BBS9: variants seen among roughly 807,000 people sequenced by gnomAD.
BBS9 encodes the protein protein PTHB1.
A neutral mutation model predicts 117.7 loss-of-function variants in BBS9; 89 were observed. That is an observed-to-expected ratio of 0.76 (90% CI 0.64 to 0.90). The LOEUF (loss-of-function observed/expected upper bound fraction) is 0.90, where lower values mean the gene tolerates loss of function less well. Among genes scored for constraint, BBS9 ranks in the 40% least tolerant of loss-of-function variants. BBS9 has a pLI of 0.00. For missense variants in BBS9, 982 were observed against 1,042.2 expected, an observed-to-expected ratio of 0.94 and a Z score of 0.80; for synonymous variants, 379 against 370.9, an observed-to-expected ratio of 1.02 and a Z score of -0.25.
At chr7:33,334,392 A>AAC in intron 9 of BBS9, among the ~76,000 whole-genome samples, 1 of 152,142 alleles carries the variant, frequency 6.6e-6, no homozygotes, top group Non-Finnish European at 1.5e-5. Context: ...TTCTCTGAGA[A>AAC]GCCCCCCCCA....
At chr7:33,625,874 A>G (rs949486022) in intron 21 of BBS9, among the ~76,000 whole-genome samples, 1 of 152,248 alleles carries the variant, frequency 6.6e-6, no homozygotes, top group Non-Finnish European at 1.5e-5. Context: ...TTAAGCTCTC[A>G]TAACATTTCT....
intron 17 of BBS9, among the ~76,000 whole-genome samples, chr7:33,372,916 G>A (rs12670765): frequency 6.6e-6 from 1 of 151,984 alleles, no homozygotes; most frequent in East Asian, 1.9e-4. Flanking sequence ...ATCATTTCTT[G>A]TAAGTTATCC....
intron 5 of BBS9, among the ~76,000 whole-genome samples, chr7:33,245,418 T>C (rs1375012401): frequency 6.6e-6 from 1 of 152,160 alleles, no homozygotes; most frequent in Admixed American, 6.5e-5. Flanking sequence ...CCAAGATGGA[T>C]ACTAAACTCT....
At chr7:33,239,916 G>A (rs1346063472) in intron 5 of BBS9, among the ~76,000 whole-genome samples, 1 of 152,054 alleles carries the variant, frequency 6.6e-6, no homozygotes, top group African/African-American at 2.4e-5. Context: ...GGCTGAGGTA[G>A]GAGGATCCCA....
chr7:33,293,412 T>G (rs982513825), intron 9 of BBS9, among the ~76,000 whole-genome samples: 1 of 151,940 alleles, frequency 6.6e-6, no homozygotes, highest in African/African-American at 2.4e-5. Context: ...TCTGTAATTG[T>G]TATATGAGAG....
intron 21 of BBS9, among the ~76,000 whole-genome samples, chr7:33,613,822 A>G (rs1208544717): frequency 6.6e-6 from 1 of 152,058 alleles, no homozygotes; most frequent in Non-Finnish European, 1.5e-5. Context: ...GGGGTTCATT[A>G]TATTACAGAG....
Position 33,344,651 on chromosome 7 carries a change from T to G in BBS9, c.1329+17T>G, listed in dbSNP as rs746246792. The stretch of plus-strand genomic sequence containing the variant: ...ACGGTGAAGGTATTGTACCAGATTT[T>G]AGACTGTAATGTGCAAACAATATGA... On this transcript the variant is annotated intron_variant, in intron 12 of 22. Transcript: ENST00000242067. 3.1e-6 allele frequency: 5 copies of G among 1,610,856 alleles called. No homozygotes were observed. The highest frequency in any genetic ancestry group is 4.2e-6 in the Non-Finnish European group (5 of 1,177,030).
At chr7:33,269,217 T>A (rs1279700157) in intron 7 of BBS9, among the ~76,000 whole-genome samples, 3 of 152,224 alleles carry the variant, frequency 2.0e-5, no homozygotes, top group African/African-American at 7.2e-5. Context: ...TGGCCAAAAA[T>A]TCATCTTGTC....
chr7:33,322,028 T>A (rs568629652), intron 9 of BBS9, among the ~76,000 whole-genome samples: 12 of 152,254 alleles, frequency 7.9e-5, no homozygotes, highest in African/African-American at 2.9e-4. Flanking sequence ...TCACAATGAT[T>A]GATTTGCATA....
intron 16 of BBS9, among the ~76,000 whole-genome samples, chr7:33,361,105 G>T (rs903853356): frequency 1.3e-5 from 2 of 152,030 alleles, no homozygotes; most frequent in African/African-American, 4.8e-5. Flanking sequence ...GGAAATTTCT[G>T]CTTAGGTTTC....
intron 19 of BBS9, among the ~76,000 whole-genome samples, chr7:33,424,586 G>C (rs1476116804): frequency 6.6e-6 from 1 of 152,082 alleles, no homozygotes; most frequent in Non-Finnish European, 1.5e-5. Flanking sequence ...TTTTAAAAAA[G>C]TTCCTGTTAC....
At chr7:33,273,491 T>C (rs1418272283) in intron 8 of BBS9, among the ~76,000 whole-genome samples, 1 of 152,138 alleles carries the variant, frequency 6.6e-6, no homozygotes, top group Non-Finnish European at 1.5e-5. Flanking sequence ...TCAGACTCTT[T>C]TATAAGCACA....
At chr7:33,414,756 G>A (rs2128833401) in intron 19 of BBS9, among the ~76,000 whole-genome samples, 1 of 152,252 alleles carries the variant, frequency 6.6e-6, no homozygotes, top group East Asian at 1.9e-4. Context: ...ACTTCTGGAG[G>A]TAAAGCTTGA....
chr7:33,633,471 A>T (rs1195472277), intron 21 of BBS9, among the ~76,000 whole-genome samples: 2 of 149,998 alleles, frequency 1.3e-5, no homozygotes, highest in Non-Finnish European at 3.0e-5. Context: ...ACCATGAACA[A>T]TTGCTTTGTA....
chr7:33,548,507 C>T (rs1853794030), intron 21 of BBS9, among the ~76,000 whole-genome samples: 1 of 126,798 alleles, frequency 7.9e-6, no homozygotes, highest in Non-Finnish European at 1.6e-5. Flanking sequence ...CTCCCCCCAC[C>T]CCACCACAGT....
chr7:33,420,254 C>G (rs1319433143), intron 19 of BBS9, among the ~76,000 whole-genome samples: 1 of 152,048 alleles, frequency 6.6e-6, no homozygotes, highest in Admixed American at 6.6e-5. Context: ...GATGATATTC[C>G]ATTGTGTGAT....
rs138406477 is a variant in BBS9 at position 33,253,685 on chromosome 7, G to A, written c.443-3551G>A. The stretch of plus-strand genomic sequence containing the variant: ...GATAAAGGAGTCTAGGGCTGATAGA[G>A]AGGCTCTGCTGTCCACAATACGTGA... On this transcript the variant is annotated intron_variant, in intron 5 of 22. Coordinates refer to ENST00000242067, the MANE Select transcript of BBS9 (RefSeq NM_198428.3). 3.3e-3 allele frequency among the ~76,000 whole-genome samples: 505 copies of A among 152,310 alleles called. 2 individuals are homozygous for A. Among genetic ancestry groups the A allele is most frequent in the African/African-American group, 0.012 (483 of 41,562 alleles).
chr7:33,570,142 T>G (rs1475490635), intron 21 of BBS9, among the ~76,000 whole-genome samples: 1 of 152,212 alleles, frequency 6.6e-6, no homozygotes, highest in Non-Finnish European at 1.5e-5. Context: ...TAGCACCTTC[T>G]TCTACGTGAC....
chr7:33,616,217 A>T (rs1562533805), intron 21 of BBS9, among the ~76,000 whole-genome samples: 2 of 150,968 alleles, frequency 1.3e-5, no homozygotes, highest in African/African-American at 4.9e-5. Flanking sequence ...AATGTATTAA[A>T]ATATATATAT....
Sources: allele counts gnomAD v4.1 joint callset (sites outside exome capture counted in the v4.1 genomes callset), GRCh38; gene constraint gnomAD v4.1.1; transcripts MANE v1.5; gene names NCBI Gene and HGNC (gene_info 2026-07-23, HGNC 2026-07-21).